The following SASH1 variants were observed in gnomAD, a reference collection of about 807,000 sequenced individuals.
SASH1 encodes the protein SAM and SH3 domain containing 1.
SASH1 carries 44 observed loss-of-function variants against 125.2 expected under a neutral mutation model. The observed-to-expected ratio is 0.35, with a 90% CI of 0.28 to 0.45. SASH1 has a LOEUF of 0.45. SASH1 is among the 20% of genes least tolerant of loss of function. SASH1 has a pLI of 1.00. For synonymous variants in SASH1, 639 were observed against 649.1 expected, an observed-to-expected ratio of 0.98 and a Z score of 0.24; for missense variants, 1,426 against 1,614.5, an observed-to-expected ratio of 0.88 and a Z score of 2.00.
the SASH1 span, among the ~76,000 whole-genome samples, chr6:148,260,468 T>A: frequency 1.3e-5 from 2 of 151,738 alleles, no homozygotes; most frequent in African/African-American, 4.8e-5. Context: ...GTTAGCCAGG[T>A]ATGGTAGAAC....
rs186632746 is a variant in SASH1 at position 148,479,430 on chromosome 6, A to T, written c.627+5208A>T. 319 of 205,978 alleles carry T rather than the reference A, an allele frequency of 1.5e-3. 3 individuals are homozygous for T. Among genetic ancestry groups the T allele is most frequent in the African/African-American group, 6.6e-3 (284 of 43,044 alleles). The allele number at this position is 205,978 out of a possible 1,614,324, so 12.8% of individuals were successfully genotyped here. A position where few individuals can be genotyped will look rare whatever the true frequency, so the allele number is the denominator to read the frequency against. ...TCAGGACACCTGCGTTTGGGAAGGG[A>T]GTTGAATGTGACATGCCTAATCCAG... On this transcript the variant is annotated intron_variant, in intron 7 of 19. Transcript: ENST00000367467.
intron 1 of SASH1, among the ~76,000 whole-genome samples, chr6:148,377,231 AAC>A (rs1460950716): frequency 2.0e-5 from 3 of 151,964 alleles, no homozygotes; most frequent in African/African-American, 7.2e-5. Context: ...AACAAAAAAA[AAC>A]ACAAAAGATG....
At chr6:148,305,641 A>AAG (rs1554232120) in intron 1 of SASH1, among the ~76,000 whole-genome samples, 109 of 133,140 alleles carry the variant, frequency 8.2e-4, no homozygotes, top group East Asian at 8.0e-3. Flanking sequence ...AAAAAAAAAA[A>AAG]AAAGAAAGAA....
the SASH1 span, among the ~76,000 whole-genome samples, chr6:148,221,718 C>G: frequency 6.6e-6 from 1 of 152,182 alleles, no homozygotes; most frequent in African/African-American, 2.4e-5. Flanking sequence ...CTTTGGTGAG[C>G]TGCGGTGGTT....
chr6:148,335,414 G>A lies in SASH1; in HGVS notation n.75-54720G>A, dbSNP rs1328373579. Among the ~76,000 whole-genome samples, 4 of 145,508 alleles carry A rather than the reference G, an allele frequency of 2.7e-5. No individual in the cohort carries two copies. In the East Asian group the frequency reaches 6.2e-4, roughly 22 times the overall value. ...CGGGAGGTGGAGGTTGCAGTGAGCC[G>A]AGATCGCGCCATTGCACTCCAGCCT... On this transcript the variant is annotated intron_variant and non_coding_transcript_variant, in intron 1 of 3. Transcript: ENST00000367469.
intron 5 of SASH1, among the ~76,000 whole-genome samples, chr6:148,470,296 G>C (rs191517719): frequency 6.6e-6 from 1 of 152,142 alleles, no homozygotes; most frequent in Non-Finnish European, 1.5e-5. Flanking sequence ...TTTGACAGAC[G>C]ACGCCCTTTC....
Position 148,474,098 on chromosome 6 carries a change from C to T in SASH1, c.515-12C>T. 1 of 1,574,470 alleles carries T rather than the reference C, an allele frequency of 6.4e-7. No individual in the cohort carries two copies. Among genetic ancestry groups the T allele is most frequent in the South Asian group, 1.1e-5 (1 of 88,412 alleles). ...GTTTTCACTCCTGTTGTTCTTTGTC[C>T]TCAATCTCCAGGAGAAGACGTTGGT... On this transcript the variant is annotated splice_polypyrimidine_tract_variant and intron_variant, in intron 6 of 19. Coordinates refer to ENST00000367467, the MANE Select transcript of SASH1 (RefSeq NM_015278.5).
chr6:148,429,223 C>T (rs1775953294), intron 2 of SASH1, among the ~76,000 whole-genome samples: 1 of 151,346 alleles, frequency 6.6e-6, no homozygotes, highest in African/African-American at 2.4e-5. Flanking sequence ...ATTGCAAACA[C>T]AAATTAAAGG....
chr6:148,339,409 C>G (rs1385504402), upstream of SASH1, among the ~76,000 whole-genome samples: 2 of 151,480 alleles, frequency 1.3e-5, no homozygotes, highest in Non-Finnish European at 2.9e-5. Flanking sequence ...TTTCCCTATC[C>G]ATTGATTAAG....
In SASH1 at chr6:148,474,155, A is replaced by G. The variant is rs1474335201; in HGVS notation, c.560A>G (p.Glu187Gly). The G allele has an allele frequency of 1.2e-6, 2 of 1,612,222 alleles. No homozygotes were observed. The highest frequency in any genetic ancestry group is 1.7e-6 in the Non-Finnish European group (2 of 1,179,230). Residue 187 changes from glutamate (E) to glycine (G), a missense_variant, in exon 7 of 20, where the codon GAG (glutamate) becomes GGG (glycine). Coordinates refer to ENST00000367467, the MANE Select transcript of SASH1 (RefSeq NM_015278.5). ...YVASEITMSD[E>G]ERIQLMMMVK... ...GCCAGTGAAATAACGATGAGCGATG[A>G]GGAGCGGATTCAGCTAATGATGATG...
At chr6:148,420,096 G>T (rs1784992984) in intron 2 of SASH1, among the ~76,000 whole-genome samples, 1 of 152,176 alleles carries the variant, frequency 6.6e-6, no homozygotes, top group African/African-American at 2.4e-5. Context: ...GCCCTGCAAA[G>T]ATCTATGTGT....
chr6:148,467,930 G>C (rs187085761), intron 4 of SASH1, among the ~76,000 whole-genome samples: 51 of 150,426 alleles, frequency 3.4e-4, no homozygotes, highest in African/African-American at 1.2e-3. Flanking sequence ...GAGCAAGACT[G>C]TCTCAAAAAA....
At chr6:148,523,176 T>C (rs1377448630) in intron 10 of SASH1, among the ~76,000 whole-genome samples, 1 of 152,240 alleles carries the variant, frequency 6.6e-6, no homozygotes, top group African/African-American at 2.4e-5. Context: ...GGCTCCAACA[T>C]TGCAGTAGAT....
chr6:148,381,617 C>CTTTTTTTTTTTTTTTTTTTTTTTTTTT (rs201145545), intron 1 of SASH1, among the ~76,000 whole-genome samples: 1 of 77,896 alleles, frequency 1.3e-5, no homozygotes, highest in African/African-American at 5.2e-5. Flanking sequence ...TTCTTGCTTT[C>CTTTTTTTTTTTTTTTTTTTTTTTTTTT]TTTTTTTTTT....
intron 1 of SASH1, among the ~76,000 whole-genome samples, chr6:148,359,987 T>TG (rs1385649041): frequency 6.6e-6 from 1 of 152,214 alleles, no homozygotes; most frequent in Non-Finnish European, 1.5e-5. Flanking sequence ...CTTGATCTCC[T>TG]GACCTTGTGA....
intron 2 of SASH1, among the ~76,000 whole-genome samples, chr6:148,424,432 G>A (rs1775717000): frequency 6.6e-6 from 1 of 151,988 alleles, no homozygotes; most frequent in Admixed American, 6.6e-5. Context: ...CACCATGTTG[G>A]CATGCTGGTC....
In SASH1 at chr6:148,549,488, G is replaced by A. The variant is rs2115478100; in HGVS notation, c.*930G>A. 2.5e-6 allele frequency: 1 copy of A among 397,198 alleles called. No homozygotes were observed. Among genetic ancestry groups the A allele is most frequent in the South Asian group, 1.3e-4 (1 of 7,742 alleles). The allele number at this position is 397,198 out of a possible 1,614,324, so 24.6% of individuals were successfully genotyped here. On this transcript the variant is annotated 3_prime_UTR_variant, in exon 20 of 20. Coordinates refer to ENST00000367467, the MANE Select transcript of SASH1 (RefSeq NM_015278.5). Reference sequence around the variant, plus strand: ...ACCAGTTTAGTATCGTTACTGTGTGGATCGTCGCGCTGCAGTATTGACTTG... The same window carrying A: ...ACCAGTTTAGTATCGTTACTGTGTGAATCGTCGCGCTGCAGTATTGACTTG...
At chr6:148,432,316 T>C (rs1266553175) in intron 2 of SASH1, among the ~76,000 whole-genome samples, 2 of 152,174 alleles carry the variant, frequency 1.3e-5, no homozygotes, top group Non-Finnish European at 2.9e-5. Context: ...GAAGTTTCTG[T>C]TCTTCTGGTT....
At chr6:148,324,118 C>CA (rs56950339) in intron 1 of SASH1, among the ~76,000 whole-genome samples, 767 of 59,434 alleles carry the variant, frequency 0.013, 32 homozygotes, top group Admixed American at 0.017. Flanking sequence ...GAATCTGTCT[C>CA]AAAAAAAAAA....
Sources: allele counts gnomAD v4.1 joint callset (sites outside exome capture counted in the v4.1 genomes callset), GRCh38; gene constraint gnomAD v4.1.1; transcripts MANE v1.5; gene names NCBI Gene and HGNC (gene_info 2026-07-23, HGNC 2026-07-21).